SMARCA2: variants seen among roughly 807,000 people sequenced by gnomAD.
The protein encoded by SMARCA2 is SWI/SNF related BAF chromatin remodeling complex subunit ATPase 2.
In SMARCA2, 61 loss-of-function variants were observed where a neutral mutation model predicts 199.8. The ratio of observed to expected loss-of-function variants is 0.31; its 90% CI spans 0.25 to 0.38. The LOEUF (loss-of-function observed/expected upper bound fraction) is 0.38, where lower values mean the gene tolerates loss of function less well. Ranked by LOEUF, SMARCA2 falls within the 10% of genes least tolerant of loss-of-function variation. SMARCA2 has a pLI of 1.00. For missense variants in SMARCA2, 1,344 were observed against 2,012.2 expected (o/e 0.67, Z 6.35); for synonymous variants, 935 against 732.0 (o/e 1.28, Z -4.48).
At chr9:2,031,148 CTG>C (rs751815875) in intron 2 of SMARCA2, among the ~76,000 whole-genome samples, 1 of 151,986 alleles carries the variant, frequency 6.6e-6, no homozygotes, top group Non-Finnish European at 1.5e-5. Context: ...GTTAATTACT[CTG>C]TAACTTTCTT....
chr9:2,170,439 C>A lies in SMARCA2; in HGVS notation c.4220C>A (p.Pro1407His). ...YKDRCNVEKV[P>H]SNSQLEIEGN... ...CGCAGGTGTAACGTGGAGAAGGTGC[C>A]CAGTAATTCTCAGTTGGAAATAGAA... The change falls in exon 29 of 34, where the codon CCC (proline) becomes CAC (histidine). Residue 1407 changes from proline (P) to histidine (H), a missense_variant. By Grantham distance (77) the Pro-to-His change is moderately conservative. This residue lies in a region of SMARCA2 where 151 missense variants were observed against 154.0 expected (regional missense o/e 0.98). Transcript: ENST00000349721. The surrounding 1 kb of genome is among the most constrained non-coding windows in gnomAD (Gnocchi z 4.7). The A allele has an allele frequency of 6.2e-7, 1 of 1,614,030 alleles. No individual in the cohort carries two copies. Among genetic ancestry groups the A allele is most frequent in the Non-Finnish European group, 8.5e-7 (1 of 1,179,972 alleles).
At chr9:2,069,163 GCCTC>G (rs1820975938) in intron 9 of SMARCA2, 1 of 151,134 alleles carries the variant, frequency 6.6e-6, no homozygotes, top group African/African-American at 2.4e-5. Context: ...TGATCTGCCC[GCCTC>G]GGCCTCTCAA....
chr9:2,180,496 C>G (rs2129862302), intron 29 of SMARCA2, among the ~76,000 whole-genome samples: 1 of 152,302 alleles, frequency 6.6e-6, no homozygotes, highest in South Asian at 2.1e-4. Context: ...CTAGTATTCT[C>G]ACAAGCTCCT....
In SMARCA2 at chr9:2,056,626, C is replaced by A. The variant is rs761686613; in HGVS notation, c.1174-46C>A. On this transcript the variant is annotated intron_variant, in intron 6 of 33. Coordinates refer to ENST00000349721, the MANE Select transcript of SMARCA2 (RefSeq NM_003070.5). The surrounding 1 kb of genome is among the most constrained non-coding windows in gnomAD (Gnocchi z 4.0). ...CGCGAGAAGGCCAGAGTTCAGGAAC[C>A]TAGCTTCTGTTAGGGAAGGCTGTCT... is the stretch of plus-strand genomic sequence containing the variant. The A allele has an allele frequency of 2.5e-6, 4 of 1,573,814 alleles. No homozygotes were observed. The highest frequency in any genetic ancestry group is 3.4e-6 in the Non-Finnish European group (4 of 1,160,012).
intron 9 of SMARCA2, among the ~76,000 whole-genome samples, chr9:2,068,574 G>GCAAAA (rs933323780): frequency 6.6e-6 from 1 of 152,134 alleles, no homozygotes; most frequent in African/African-American, 2.4e-5. Flanking sequence ...TTCATAGAAG[G>GCAAAA]CAAAACGTAT....
Position 2,056,175 on chromosome 9 carries a change from C to T in SMARCA2, c.1174-497C>T, listed in dbSNP as rs1244828121. Among the ~76,000 whole-genome samples, 1 of 152,184 alleles carries T rather than the reference C, an allele frequency of 6.6e-6. No homozygotes were observed. Among genetic ancestry groups the T allele is most frequent in the African/African-American group, 2.4e-5 (1 of 41,444 alleles). ...TGGGAAGAAGCCAAAACTCATATTT[C>T]CCATCCTTTGTATGAGACTATGAAT... On this transcript the variant is annotated intron_variant, in intron 6 of 33. Transcript: ENST00000349721. This position sits in a 1 kb window ranked among gnomAD's most constrained non-coding sequence, Gnocchi z 4.0.
At chr9:2,127,161 C>A (rs1295581279) in intron 27 of SMARCA2, among the ~76,000 whole-genome samples, 2 of 152,116 alleles carry the variant, frequency 1.3e-5, no homozygotes, top group Non-Finnish European at 2.9e-5. Flanking sequence ...GTCCTCTTAA[C>A]ATTTCTTTGC....
intron 10 of SMARCA2, among the ~76,000 whole-genome samples, chr9:2,070,677 C>T (rs951611595): frequency 6.6e-6 from 1 of 152,166 alleles, no homozygotes; most frequent in African/African-American, 2.4e-5. Flanking sequence ...GACTGTCAAT[C>T]AACTGATATT....
chr9:2,114,896 G>T (rs1441801960), intron 24 of SMARCA2, among the ~76,000 whole-genome samples: 1 of 152,106 alleles, frequency 6.6e-6, no homozygotes, highest in African/African-American at 2.4e-5. Context: ...GCACATGTAA[G>T]ATCAGAATGC....
At chr9:2,105,656 T>C (rs942106064) in intron 23 of SMARCA2, among the ~76,000 whole-genome samples, 2 of 152,242 alleles carry the variant, frequency 1.3e-5, no homozygotes, top group Admixed American at 6.5e-5. Context: ...TTTTTCTCTG[T>C]TGGCAAATTT....
At chr9:2,141,715 A>G (rs1165444108) in intron 27 of SMARCA2, among the ~76,000 whole-genome samples, 1 of 151,886 alleles carries the variant, frequency 6.6e-6, no homozygotes, top group Admixed American at 6.5e-5. Flanking sequence ...TTGAGCAGTA[A>G]TCATCCAAGC....
At chr9:2,185,740 G>A (rs1827392320) in intron 31 of SMARCA2, among the ~76,000 whole-genome samples, 1 of 152,144 alleles carries the variant, frequency 6.6e-6, no homozygotes, top group South Asian at 2.1e-4. Flanking sequence ...GCATTTTAAA[G>A]AAGATTGCTT....
intron 19 of SMARCA2, among the ~76,000 whole-genome samples, chr9:2,093,863 T>A (rs113855072): frequency 6.6e-6 from 1 of 152,226 alleles, no homozygotes; most frequent in Non-Finnish European, 1.5e-5. Flanking sequence ...TGAAAGTAAC[T>A]CATATCTTGA....
intron 27 of SMARCA2, among the ~76,000 whole-genome samples, chr9:2,139,649 T>C (rs1824373097): frequency 1.3e-5 from 2 of 151,950 alleles, no homozygotes; most frequent in Admixed American, 6.6e-5. Flanking sequence ...CTACCCCCAA[T>C]ATAGTCGCTA....
At chr9:2,065,934 A>T (rs1820819030) in intron 9 of SMARCA2, among the ~76,000 whole-genome samples, 1 of 152,238 alleles carries the variant, frequency 6.6e-6, no homozygotes, top group East Asian at 1.9e-4. Context: ...AACTGGATTG[A>T]CCAGTTACTT....
intron 32 of SMARCA2, among the ~76,000 whole-genome samples, chr9:2,188,305 T>A (rs187001857): frequency 2.0e-5 from 3 of 152,284 alleles, no homozygotes; most frequent in African/African-American, 7.2e-5. Context: ...TACCCATAGA[T>A]TATTGAAAAG....
At chr9:2,157,323 G>A (rs954270547) in intron 27 of SMARCA2, among the ~76,000 whole-genome samples, 8 of 152,096 alleles carry the variant, frequency 5.3e-5, no homozygotes, top group African/African-American at 1.9e-4. Context: ...AATCAAGTTT[G>A]GTGATGTGTG....
intron 29 of SMARCA2, among the ~76,000 whole-genome samples, chr9:2,179,813 A>C (rs767587341): frequency 6.6e-6 from 1 of 152,186 alleles, no homozygotes; most frequent in African/African-American, 2.4e-5. Flanking sequence ...GTCAGGTGTT[A>C]AATCCGCGAT....
At chr9:2,109,871 T>G (rs1822919951) in intron 23 of SMARCA2, among the ~76,000 whole-genome samples, 1 of 152,206 alleles carries the variant, frequency 6.6e-6, no homozygotes, top group Non-Finnish European at 1.5e-5. Flanking sequence ...ATTACAGTTT[T>G]AAGTGCACGT....
Sources: allele counts gnomAD v4.1 joint callset (sites outside exome capture counted in the v4.1 genomes callset), GRCh38; gene constraint gnomAD v4.1.1; regional missense constraint gnomAD v4.1.1; non-coding constraint Gnocchi (gnomAD v3.1); transcripts MANE v1.5; gene names NCBI Gene and HGNC (gene_info 2026-07-23, HGNC 2026-07-21).